The following SEMA3A variants were observed in gnomAD, a reference collection of about 807,000 sequenced individuals.
The protein encoded by SEMA3A is semaphorin-3A.
A neutral mutation model predicts 97.9 loss-of-function variants in SEMA3A; 29 were observed. The observed-to-expected ratio is 0.30, with a 90% CI of 0.22 to 0.40. The LOEUF (loss-of-function observed/expected upper bound fraction) is 0.40. Ranked by LOEUF, SEMA3A falls within the 10% of genes least tolerant of loss-of-function variation. The pLI is 1.00. For synonymous variants in SEMA3A, 321 were observed against 323.7 expected (o/e 0.99, Z 0.09); for missense variants, 763 against 951.3 (o/e 0.80, Z 2.60).
chr7:84,321,343 A>C (rs1801637947), intron 2 of SEMA3A, among the ~76,000 whole-genome samples: 1 of 152,220 alleles, frequency 6.6e-6, no homozygotes, highest in Admixed American at 6.5e-5. Context: ...AACTATAATT[A>C]TCACTAAAAT....
intron 6 of SEMA3A, among the ~76,000 whole-genome samples, chr7:84,024,813 T>C (rs1010540644): frequency 7.9e-5 from 12 of 152,080 alleles, no homozygotes; most frequent in African/African-American, 2.9e-4. Flanking sequence ...TAAGATCAGG[T>C]GCGGTGGCTC....
At position 84,075,547 on chromosome 7, in the gene SEMA3A, C is replaced by T. The variant is rs188646446; in HGVS notation, c.454-14989G>A. On this transcript the variant is annotated intron_variant, in intron 4 of 16. Coordinates refer to ENST00000265362, the MANE Select transcript of SEMA3A (RefSeq NM_006080.3). Reference sequence around the variant, plus strand: ...AGTCTTGGCTCACTGCAAACTTTGCCTCCTAGATTCAAGTGATTCTGCTGC... The same window carrying T: ...AGTCTTGGCTCACTGCAAACTTTGCTTCCTAGATTCAAGTGATTCTGCTGC... Among the ~76,000 whole-genome samples the T allele has an allele frequency of 7.6e-4, 114 of 150,914 alleles. 1 individual carries two copies. Among genetic ancestry groups the T allele is most frequent in the African/African-American group, 2.5e-3 (102 of 40,940 alleles).
intron 12 of SEMA3A, among the ~76,000 whole-genome samples, chr7:83,988,652 A>G (rs1290501849): frequency 6.6e-6 from 1 of 152,166 alleles, no homozygotes; most frequent in Non-Finnish European, 1.5e-5. Context: ...GGTATAATTT[A>G]GAGATTTTCC....
At chr7:84,037,463 G>A (rs1197259093) in intron 6 of SEMA3A, among the ~76,000 whole-genome samples, 2 of 152,080 alleles carry the variant, frequency 1.3e-5, no homozygotes, top group Admixed American at 6.6e-5. Context: ...AAGTAACTGG[G>A]ACTACAGATG....
chr7:84,013,332 T>C (rs77842856), intron 7 of SEMA3A, among the ~76,000 whole-genome samples: 1,918 of 152,312 alleles, frequency 0.013, 45 homozygotes, highest in African/African-American at 0.044. Context: ...ATTTTTATTC[T>C]ATGTATCTAA....
intron 2 of SEMA3A, among the ~76,000 whole-genome samples, chr7:84,366,958 T>C (rs1217975995): frequency 6.6e-6 from 1 of 151,220 alleles, no homozygotes; most frequent in African/African-American, 2.4e-5. Context: ...TCTAAAGAAT[T>C]TGCATACACT....
chr7:84,377,545 A>G (rs1803136110), intron 1 of SEMA3A, among the ~76,000 whole-genome samples: 1 of 152,058 alleles, frequency 6.6e-6, no homozygotes, highest in South Asian at 2.1e-4. Flanking sequence ...TGGTGCCTCC[A>G]GCTTTGTTCT....
At chr7:84,309,836 T>C (rs1427264379) in intron 2 of SEMA3A, among the ~76,000 whole-genome samples, 1 of 152,170 alleles carries the variant, frequency 6.6e-6, no homozygotes, top group Non-Finnish European at 1.5e-5. Flanking sequence ...GGCAAGATCA[T>C]GCATTGACTA....
chr7:84,398,523 T>A (rs1189892632), intron 1 of SEMA3A, among the ~76,000 whole-genome samples: 2 of 152,192 alleles, frequency 1.3e-5, no homozygotes, highest in Non-Finnish European at 2.9e-5. Context: ...TTTGGGAAGC[T>A]GAGGCAGAAG....
intron 4 of SEMA3A, among the ~76,000 whole-genome samples, chr7:84,092,382 C>T (rs903988350): frequency 9.2e-5 from 14 of 152,126 alleles, no homozygotes; most frequent in African/African-American, 2.7e-4. Context: ...CTACTTGTCT[C>T]CTTTGCACTC....
Position 83,959,753 on chromosome 7 carries a change from T to G in SEMA3A, c.*1618A>C, listed in dbSNP as rs1394448476. The G allele has an allele frequency of 6.6e-6, 1 of 152,082 alleles. No homozygotes were observed. 9.4% of individuals were successfully genotyped at this position (152,082 alleles called of 1,614,324 possible). A position where few individuals can be genotyped will look rare whatever the true frequency, so the allele number is the denominator to read the frequency against. ...ATAAGATGTTTTCTTTGCATTTTTG[T>G]GCATGATGAGGAACCTGGGGGAGGA... On this transcript the variant is annotated 3_prime_UTR_variant, in exon 17 of 17. Coordinates refer to ENST00000265362, the MANE Select transcript of SEMA3A (RefSeq NM_006080.3).
At chr7:84,055,413 G>A (rs533429424) in intron 5 of SEMA3A, among the ~76,000 whole-genome samples, 9 of 152,294 alleles carry the variant, frequency 5.9e-5, no homozygotes, top group African/African-American at 2.2e-4. Flanking sequence ...CTGGTGCGCC[G>A]TTTTTTAAGC....
In SEMA3A at chr7:84,474,102, A is replaced by G. The variant is rs565501549; in HGVS notation, c.-246+18358T>C. ...TTTCTTATCTCTCAGCCTTGGAAAT[A>G]AGTTTCTTTCTGTTTTATCTGACTA... On this transcript the variant is annotated intron_variant, in intron 1 of 3. Transcript: ENST00000424555. Among the ~76,000 whole-genome samples, 4 of 152,320 alleles carry G rather than the reference A, an allele frequency of 2.6e-5. No individual in the cohort carries two copies. In the East Asian group the frequency reaches 7.7e-4, roughly 29 times the overall value.
At chr7:84,299,769 T>C (rs1800960334) in intron 3 of SEMA3A, among the ~76,000 whole-genome samples, 1 of 35,812 alleles carries the variant, frequency 2.8e-5, no homozygotes, top group Non-Finnish European at 6.0e-5. Context: ...ACATTTAATC[T>C]ATTAAAAACA....
chr7:84,078,997 C>T (rs943522762), intron 4 of SEMA3A, among the ~76,000 whole-genome samples: 24 of 151,944 alleles, frequency 1.6e-4, no homozygotes, highest in Admixed American at 2.0e-4. Context: ...ACTTTTAGGT[C>T]ATTATTTATA....
intron 16 of SEMA3A, 59 bp downstream of exon 16, chr7:83,963,146 G>A (rs1788539541): frequency 6.4e-7 from 1 of 1,566,472 alleles, no homozygotes; most frequent in African/African-American, 1.4e-5. Context: ...AAAAATACAA[G>A]GATTACATTT....
Position 84,152,598 on chromosome 7 carries a change from C to T in SEMA3A, c.113-17647G>A, listed in dbSNP as rs890104198. Reference sequence around the variant, plus strand: ...GGGAGATATACCTAATGCTAGATGACGAGTTAGTGGGTGCAGCACACCAGC... The same window carrying T: ...GGGAGATATACCTAATGCTAGATGATGAGTTAGTGGGTGCAGCACACCAGC... On this transcript the variant is annotated intron_variant, in intron 1 of 16. Coordinates refer to ENST00000265362, the MANE Select transcript of SEMA3A (RefSeq NM_006080.3). 3.6e-5 allele frequency among the ~76,000 whole-genome samples: 5 copies of T among 140,758 alleles called. No individual in the cohort carries two copies. The East Asian group carries it at 6.5e-4, about 18-fold the overall frequency. The allele number at this position is 140,758 out of a possible 152,430, so 92.3% of individuals were successfully genotyped here.
At chr7:84,376,485 T>A (rs1803103377) in intron 1 of SEMA3A, among the ~76,000 whole-genome samples, 2 of 141,176 alleles carry the variant, frequency 1.4e-5, no homozygotes, top group South Asian at 2.4e-4. Context: ...GCGCCTGTAG[T>A]CCCAGCTACT....
chr7:84,112,482 C>T (rs1340695363), intron 3 of SEMA3A, among the ~76,000 whole-genome samples: 1 of 152,120 alleles, frequency 6.6e-6, no homozygotes, highest in Non-Finnish European at 1.5e-5. Context: ...CACCTAAGTG[C>T]CTCCTTAGAA....
Sources: gnomAD v4.1 joint callset for allele counts (sites outside exome capture counted in the v4.1 genomes callset) on GRCh38, gnomAD v4.1.1 for gene constraint, MANE v1.5 for transcripts, NCBI Gene and HGNC (gene_info 2026-07-23, HGNC 2026-07-21) for gene names.